Variants in NEMF observed in about 807,000 individuals in gnomAD.
NEMF encodes the protein nuclear export mediator factor.
In NEMF, 89 loss-of-function variants were observed where a neutral mutation model predicts 162.2. The ratio of observed to expected loss-of-function variants is 0.55; its 90% CI spans 0.46 to 0.65. NEMF has a LOEUF of 0.65. NEMF is among the 30% of genes least tolerant of loss of function. The pLI, the probability that NEMF is intolerant of heterozygous loss-of-function variation, is 0.00. For synonymous variants in NEMF, 421 were observed against 404.5 expected (o/e 1.04, Z -0.49); for missense variants, 1,133 against 1,261.9 (o/e 0.90, Z 1.55).
At chr14:49,816,651 T>C (rs541861088) in intron 16 of NEMF, among the ~76,000 whole-genome samples, 6 of 152,368 alleles carry the variant, frequency 3.9e-5, no homozygotes, top group African/African-American at 1.4e-4. Flanking sequence ...AGAACCTATG[T>C]TGAAATACTG....
rs184309685 is a variant in NEMF, at chr14:49,805,813, C to T, written c.1857+208G>A. Among the ~76,000 whole-genome samples the T allele has an allele frequency of 2.0e-4, 31 of 152,186 alleles. No individual in the cohort carries two copies. The East Asian group carries it at 5.0e-3, about 25-fold the overall frequency. ...GGTTCCCCCAATACTTCATCCAAAA[C>T]GGTATCCCCTATCACTCTCTATCCC... On this transcript the variant is annotated intron_variant, in intron 19 of 32. Transcript: ENST00000298310.
At chr14:49,797,228 C>A (rs1034048406) in intron 25 of NEMF, 1 of 152,042 alleles carries the variant, frequency 6.6e-6, no homozygotes, top group Admixed American at 6.6e-5. Context: ...TCTAGGGCCT[C>A]TTCCTGGAGT....
chr14:49,819,468 G>A (rs972182771), intron 16 of NEMF, among the ~76,000 whole-genome samples: 49 of 151,784 alleles, frequency 3.2e-4, no homozygotes, highest in South Asian at 1.0e-3. Flanking sequence ...AGGCTGGAGT[G>A]CAGTGGCACA....
chr14:49,839,938 T>C lies in NEMF; in HGVS notation c.506+780A>G, dbSNP rs560989813. On this transcript the variant is annotated intron_variant, in intron 5 of 32. Coordinates refer to ENST00000298310, the MANE Select transcript of NEMF (RefSeq NM_004713.6). Reference sequence around the variant, plus strand: ...ACTTTAGAAGGCTGAAGTGGGAGGATTGCTAAAGCCACAAGTTCAAGACCA... The same window carrying C: ...ACTTTAGAAGGCTGAAGTGGGAGGACTGCTAAAGCCACAAGTTCAAGACCA... 6.6e-5 allele frequency: 10 copies of C among 152,238 alleles called. 1 individual carries two copies. The highest frequency in any genetic ancestry group is 6.2e-4 in the South Asian group (3 of 4,820). 9.4% of individuals were successfully genotyped at this position (152,238 alleles called of 1,614,324 possible). A position where few individuals can be genotyped will look rare whatever the true frequency, so the allele number is the denominator to read the frequency against.
intron 6 of NEMF, 73 bp from the exon 7 acceptor site, chr14:49,834,522 GT>G: frequency 9.2e-7 from 1 of 1,088,136 alleles, no homozygotes. Context: ...TTGAGATGGA[GT>G]TTTACCCGTC....
intron 25 of NEMF, 57 bp downstream of exon 25, chr14:49,799,418 T>C (rs1428604820): frequency 2.1e-6 from 3 of 1,403,770 alleles, no homozygotes; most frequent in African/African-American, 1.5e-5. Context: ...AGCTGAGCTA[T>C]CAATTAAAAA....
chr14:49,830,627 T>C (rs1231498788), intron 11 of NEMF, among the ~76,000 whole-genome samples: 1 of 152,210 alleles, frequency 6.6e-6, no homozygotes, highest in Non-Finnish European at 1.5e-5. Context: ...TCAAGTGATC[T>C]GCCCGCCTCG....
intron 18 of NEMF, among the ~76,000 whole-genome samples, chr14:49,808,708 A>G (rs757692282): frequency 1.3e-5 from 2 of 151,194 alleles, no homozygotes; most frequent in East Asian, 1.9e-4. Context: ...TTGCATGTGG[A>G]TATCTAGTAG....
At chr14:49,831,973 T>C in intron 10 of NEMF, 78 bp downstream of exon 10, 11 of 915,774 alleles carry the variant, frequency 1.2e-5, no homozygotes, top group Non-Finnish European at 1.8e-5. Context: ...TAGTTTCAGT[T>C]TCTCAATAGA....
intron 3 of NEMF, among the ~76,000 whole-genome samples, chr14:49,851,292 A>C (rs2140040823): frequency 6.6e-6 from 1 of 152,368 alleles, no homozygotes; most frequent in South Asian, 2.1e-4. Flanking sequence ...AGTGAATTAC[A>C]GTTAAGGAAC....
At chr14:49,843,990 T>C (rs923931784) in intron 4 of NEMF, among the ~76,000 whole-genome samples, 1 of 151,570 alleles carries the variant, frequency 6.6e-6, no homozygotes, top group Non-Finnish European at 1.5e-5. Context: ...TACCAGCTAC[T>C]CAGGAGGCTG....
chr14:49,802,689 C>T lies in NEMF; in HGVS notation c.1954G>A (p.Gly652Arg), dbSNP rs775540532. ...AGTACCTTAAAAAGGAAGCTAAACC[C>T]CATCATTAGATATGAGGGAGGAAGA... The part of the protein sequence containing the change: ...NFLPPSYLMM[G>R]FSFLFKVDES... The change falls in exon 21 of 33, where the codon GGG (glycine) becomes AGG (arginine). Residue 652 changes from glycine to arginine, a missense_variant. Gly to Arg is a moderately radical substitution (Grantham distance 125, BLOSUM62 -2). This residue lies in a region of NEMF where 532 missense variants were observed against 578.6 expected (regional missense o/e 0.92). Transcript: ENST00000298310. 1 of 1,612,184 alleles carries T rather than the reference C, an allele frequency of 6.2e-7. No individual in the cohort carries two copies. The highest frequency in any genetic ancestry group is 8.5e-7 in the Non-Finnish European group (1 of 1,179,104).
rs904297499 is a variant in NEMF at position 49,789,014 on chromosome 14, T to C, written c.2895+132A>G. On this transcript the variant is annotated intron_variant, in intron 28 of 32. Transcript: ENST00000298310. ...CAATTTTAGTCTTTCAGGTTGTATT[T>C]CTGGATGACATTCCATTAAGAATAG... The C allele has an allele frequency of 1.4e-5, 10 of 718,616 alleles. 1 individual carries two copies. Among genetic ancestry groups the C allele is most frequent in the African/African-American group, 8.9e-5 (5 of 56,420 alleles). The allele number at this position is 718,616 out of a possible 1,614,324, so 44.5% of individuals were successfully genotyped here.
intron 26 of NEMF, among the ~76,000 whole-genome samples, chr14:49,791,223 T>A (rs1890432262): frequency 6.6e-6 from 1 of 151,964 alleles, no homozygotes; most frequent in Admixed American, 6.6e-5. Context: ...TAGTGCCAGC[T>A]ACTCAGGAGG....
chr14:49,846,366 T>A (rs1188710863), intron 3 of NEMF, 101 bp from the exon 4 acceptor site: 2 of 1,092,992 alleles, frequency 1.8e-6, no homozygotes, highest in African/African-American at 3.2e-5. Flanking sequence ...ATCAGGAATA[T>A]TTAAAACGTT....
intron 22 of NEMF, 188 bp from the exon 23 acceptor site, chr14:49,800,884 T>G: frequency 1.8e-6 from 1 of 558,744 alleles, no homozygotes; most frequent in African/African-American, 1.9e-5. Flanking sequence ...TAGGTTGAAC[T>G]AAATGATCTC....
chr14:49,792,630 T>C (rs927581129), intron 26 of NEMF, among the ~76,000 whole-genome samples: 1 of 152,188 alleles, frequency 6.6e-6, no homozygotes, highest in Non-Finnish European at 1.5e-5. Context: ...TATGAGAAAT[T>C]AGAAGCCAAT....
intron 26 of NEMF, 136 bp downstream of exon 26, chr14:49,795,655 T>G: frequency 1.4e-6 from 1 of 729,048 alleles, no homozygotes; most frequent in South Asian, 1.9e-5. Context: ...CTGTATCTAC[T>G]CAACTAATTT....
chr14:49,833,378 C>T (rs1030741138), intron 8 of NEMF, 45 bp downstream of exon 8: 3 of 1,249,494 alleles, frequency 2.4e-6, no homozygotes, highest in Non-Finnish European at 3.3e-6. Context: ...TTTCTGAAAA[C>T]CCAAATAAAT....
Sources: gnomAD v4.1 joint callset for allele counts (sites outside exome capture counted in the v4.1 genomes callset) on GRCh38, gnomAD v4.1.1 for gene constraint, gnomAD v4.1.1 regional missense constraint, MANE v1.5 for transcripts, NCBI Gene and HGNC (gene_info 2026-07-23, HGNC 2026-07-21) for gene names.